TEX11: variants seen among roughly 807,000 people sequenced by gnomAD.
TEX11 encodes the protein testis-expressed protein 11.
In TEX11, 7 loss-of-function variants were observed where a neutral mutation model predicts 84.4. That is an observed-to-expected ratio of 0.08 (90% confidence interval 0.05 to 0.16). The LOEUF (loss-of-function observed/expected upper bound fraction) is 0.16. Among genes scored for constraint, TEX11 ranks in the 10% least tolerant of loss-of-function variants. TEX11 has a pLI of 1.00. For missense variants in TEX11, 551 were observed against 660.5 expected (o/e 0.83, Z 1.82); for synonymous variants, 264 against 222.8 (o/e 1.18, Z -1.64).
intron 24 of TEX11, among the ~76,000 whole-genome samples, chrX:70,599,368 C>T (rs901560069): frequency 1.8e-5 from 2 of 111,861 alleles, no homozygotes; most frequent in Non-Finnish European, 3.8e-5. Context: ...CTCAATTTCT[C>T]CTAACTCATA....
At chrX:70,694,642 C>T (rs1424548289) in intron 13 of TEX11, among the ~76,000 whole-genome samples, 1 of 111,921 alleles carries the variant, frequency 8.9e-6, no homozygotes. Context: ...AAAAGCTTGG[C>T]AATTTCTTGA....
At position 70,825,777 on chromosome X, in the gene TEX11, A is replaced by T. The variant is rs190780034; in HGVS notation, c.606+7736T>A. Among the ~76,000 whole-genome samples, 54 of 110,696 alleles carry T rather than the reference A, an allele frequency of 4.9e-4. 1 individual carries two copies. The East Asian group carries it at 0.015, about 30-fold the overall frequency. ...GATCACCTGAGGTCAGGAGTTCAAG[A>T]CCAGCCTGGCCAACATGGTGAAACC... On this transcript the variant is annotated intron_variant, in intron 8 of 29. Transcript: ENST00000374333.
At chrX:70,805,298 T>A (rs1010740287) in intron 9 of TEX11, among the ~76,000 whole-genome samples, 1 of 111,669 alleles carries the variant, frequency 9.0e-6, no homozygotes, top group African/African-American at 3.2e-5. Flanking sequence ...TAGACTATAG[T>A]TAATCATAGG....
At chrX:70,639,651 AGG>A (rs2089625513) in intron 17 of TEX11, among the ~76,000 whole-genome samples, 1 of 111,495 alleles carries the variant, frequency 9.0e-6, no homozygotes, top group Non-Finnish European at 1.9e-5. Context: ...ACCCTCCAGC[AGG>A]GGCAGACTGA....
At position 70,852,539 on chromosome X, in the gene TEX11, A is replaced by G. The variant is rs4844269; in HGVS notation, c.525+495T>C. Among the ~76,000 whole-genome samples, 5 of 112,213 alleles carry G rather than the reference A, an allele frequency of 4.5e-5. No individual in the cohort carries two copies. In the Admixed American group the frequency reaches 4.7e-4, roughly 11 times the overall value. The stretch of plus-strand genomic sequence containing the variant: ...CGTAATAACAGAAAGCAAACTCATC[A>G]TAGCTCAAATGCACACCTAAGTGTA... On this transcript the variant is annotated intron_variant, in intron 7 of 29. Transcript: ENST00000374333.
chrX:70,824,987 A>G (rs2091337162), intron 8 of TEX11, among the ~76,000 whole-genome samples: 1 of 111,678 alleles, frequency 9.0e-6, no homozygotes, highest in South Asian at 3.8e-4. Context: ...CCCAGAATTT[A>G]GACAAGACCC....
the TEX11 span, among the ~76,000 whole-genome samples, chrX:70,518,320 G>T: frequency 8.9e-6 from 1 of 111,803 alleles, no homozygotes; most frequent in East Asian, 2.8e-4. Context: ...CTGGTATGTT[G>T]TGTCTTTGTT....
intron 25 of TEX11, among the ~76,000 whole-genome samples, chrX:70,559,115 C>A (rs1474599125): frequency 8.9e-6 from 1 of 111,957 alleles, no homozygotes; most frequent in Non-Finnish European, 1.9e-5. Flanking sequence ...AACTTGTGCA[C>A]AAGAGTTTAC....
intron 25 of TEX11, among the ~76,000 whole-genome samples, chrX:70,565,909 A>G (rs1438714982): frequency 9.1e-6 from 1 of 110,482 alleles, no homozygotes; most frequent in Non-Finnish European, 1.9e-5. Context: ...TTCCATATGA[A>G]CTTTAAAGTA....
chrX:70,874,374 A>G (rs1002159692), intron 3 of TEX11, among the ~76,000 whole-genome samples: 2 of 103,071 alleles, frequency 1.9e-5, no homozygotes, highest in Non-Finnish European at 3.9e-5. Flanking sequence ...TCAATGCCAC[A>G]GTTGATCAAA....
chrX:70,843,662 T>C (rs1407605003), intron 7 of TEX11, among the ~76,000 whole-genome samples: 1 of 110,849 alleles, frequency 9.0e-6, no homozygotes, highest in Non-Finnish European at 1.9e-5. Flanking sequence ...ACCATCAGAG[T>C]GAACAGGCAA....
intron 2 of TEX11, among the ~76,000 whole-genome samples, chrX:70,889,359 G>C (rs2091725884): frequency 1.8e-5 from 2 of 110,050 alleles, no homozygotes; most frequent in South Asian, 7.9e-4. Flanking sequence ...GGTGGTTGCA[G>C]TGAGCCGAGT....
chrX:70,866,635 G>A (rs1307366644), intron 4 of TEX11, among the ~76,000 whole-genome samples: 3 of 111,324 alleles, frequency 2.7e-5, no homozygotes, highest in Non-Finnish European at 5.7e-5. Context: ...ACATCAATGC[G>A]AAAATCCTCA....
rs192745162 is a variant in TEX11, at chrX:70,606,378, C to T, written c.1950+581G>A. 6.2e-3 allele frequency among the ~76,000 whole-genome samples: 692 copies of T among 111,897 alleles called. 5 individuals carry two copies. Among genetic ancestry groups the T allele is most frequent in the African/African-American group, 0.022 (664 of 30,864 alleles). On this transcript the variant is annotated intron_variant, in intron 23 of 29. Transcript: ENST00000374333. ...CTTTAGTCCTTCTCCTTTTATCTTC[C>T]TGTCAATACTTGGTCCTCTTTCTGG...
intron 25 of TEX11, among the ~76,000 whole-genome samples, chrX:70,564,251 A>AAACAAG (rs1268029304): frequency 9.0e-6 from 1 of 111,028 alleles, no homozygotes; most frequent in Non-Finnish European, 1.9e-5. Context: ...ACAAAAACAA[A>AAACAAG]CAAACAAAAA....
At chrX:70,896,817 C>T (rs1308994993) in intron 2 of TEX11, among the ~76,000 whole-genome samples, 1 of 110,029 alleles carries the variant, frequency 9.1e-6, no homozygotes, top group Non-Finnish European at 1.9e-5. Context: ...AGGAGTTAAG[C>T]ATGAGAACAC....
chrX:70,612,015 G>T, intron 20 of TEX11, among the ~76,000 whole-genome samples: 1 of 110,721 alleles, frequency 9.0e-6, no homozygotes, highest in East Asian at 2.9e-4. Flanking sequence ...CATGCCTGCA[G>T]TTCCAGCTAC....
chrX:70,697,262 C>A (rs762822429), intron 13 of TEX11, among the ~76,000 whole-genome samples: 4 of 111,815 alleles, frequency 3.6e-5, no homozygotes, highest in Non-Finnish European at 7.5e-5. Context: ...TATTCAGAAT[C>A]AATTTTGCCA....
intron 9 of TEX11, among the ~76,000 whole-genome samples, chrX:70,782,749 G>C (rs1275827176): frequency 9.3e-6 from 1 of 107,763 alleles, no homozygotes; most frequent in Admixed American, 1.0e-4. Context: ...ATTACATAAT[G>C]GTAAAAGGAT....
Sources: allele counts gnomAD v4.1 joint callset (sites outside exome capture counted in the v4.1 genomes callset), GRCh38; gene constraint gnomAD v4.1.1; transcripts MANE v1.5; gene names NCBI Gene and HGNC (gene_info 2026-07-23, HGNC 2026-07-21).